Variants in PEBP4 observed in about 807,000 individuals in gnomAD.
PEBP4 encodes phosphatidylethanolamine-binding protein 4.
A neutral mutation model predicts 23.9 loss-of-function variants in PEBP4; 22 were observed. The ratio of observed to expected loss-of-function variants is 0.92; its 90% CI spans 0.66 to 1.31. PEBP4 has a LOEUF of 1.31. Among genes scored for constraint, PEBP4 ranks in the 40% most tolerant of loss-of-function variants. PEBP4 has a pLI of 0.00. For synonymous variants in PEBP4, 112 were observed against 99.3 expected, an observed-to-expected ratio of 1.13 and a Z score of -0.76; for missense variants, 324 against 281.7, an observed-to-expected ratio of 1.15 and a Z score of -1.07.
At chr8:22,932,705 T>C (rs1308578300), upstream of PEBP4, among the ~76,000 whole-genome samples, 1 of 146,722 alleles carries the variant, frequency 6.8e-6, no homozygotes, top group Non-Finnish European at 1.5e-5. Flanking sequence ...AAAGCCTCCT[T>C]CAAAATAATA....
At chr8:22,810,065 T>C (rs1806585358) in intron 4 of PEBP4, among the ~76,000 whole-genome samples, 1 of 152,258 alleles carries the variant, frequency 6.6e-6, no homozygotes, top group Non-Finnish European at 1.5e-5. Flanking sequence ...TGTGCTTCCC[T>C]GGAAAACTTC....
intron 3 of PEBP4, among the ~76,000 whole-genome samples, chr8:22,896,672 C>T (rs1247267717): frequency 3.9e-5 from 6 of 152,156 alleles, no homozygotes; most frequent in African/African-American, 1.4e-4. Flanking sequence ...TCCCATGCCT[C>T]GTTCAGCCCT....
chr8:22,910,671 G>A (rs1053965801), intron 3 of PEBP4, among the ~76,000 whole-genome samples: 3 of 152,218 alleles, frequency 2.0e-5, no homozygotes, highest in African/African-American at 7.2e-5. Context: ...CGGAAGTCAG[G>A]AGGCCTGGGT....
chr8:22,804,529 T>C (rs1308651079), intron 4 of PEBP4, among the ~76,000 whole-genome samples: 2 of 152,042 alleles, frequency 1.3e-5, no homozygotes, highest in Non-Finnish European at 2.9e-5. Flanking sequence ...TCTTTACAGT[T>C]TTTAAGTGTA....
At chr8:22,781,451 C>CT (rs931433853) in intron 4 of PEBP4, among the ~76,000 whole-genome samples, 17 of 151,680 alleles carry the variant, frequency 1.1e-4, no homozygotes, top group East Asian at 3.9e-4. Context: ...CCGCTTTTTA[C>CT]TTTTTTTTTG....
At chr8:22,731,594 G>A (rs933968220) in intron 4 of PEBP4, among the ~76,000 whole-genome samples, 4 of 146,492 alleles carry the variant, frequency 2.7e-5, no homozygotes, top group South Asian at 4.5e-4. Context: ...TGTTGGGGGT[G>A]GCACCCATAC....
chr8:22,924,907 A>T (rs1191584260), intron 2 of PEBP4: 2 of 985,282 alleles, frequency 2.0e-6, no homozygotes, highest in Non-Finnish European at 2.4e-6. Flanking sequence ...GTCACAGTAC[A>T]TAAAATTCCT....
rs144827914 is a variant in PEBP4, at chr8:22,738,217, G to A, written c.358-10997C>T. The stretch of plus-strand genomic sequence containing the variant: ...CTCCTAATGACACCATCTGAGCCTG[G>A]CCTCCTTCCTTCTCTCGCTGCTCAC... On this transcript the variant is annotated intron_variant, in intron 4 of 6. Transcript: ENST00000256404. 6.3e-3 allele frequency among the ~76,000 whole-genome samples: 953 copies of A among 152,290 alleles called. 12 individuals are homozygous for A. Among genetic ancestry groups the A allele is most frequent in the African/African-American group, 0.021 (870 of 41,570 alleles).
intron 4 of PEBP4, among the ~76,000 whole-genome samples, chr8:22,769,927 AC>A (rs1805684368): frequency 6.6e-6 from 1 of 152,022 alleles, no homozygotes; most frequent in Non-Finnish European, 1.5e-5. Flanking sequence ...GTGCTCAGGA[AC>A]CTGCATCTCC....
chr8:22,763,010 C>CTT (rs34844479), intron 4 of PEBP4, among the ~76,000 whole-genome samples: 4 of 146,282 alleles, frequency 2.7e-5, no homozygotes, highest in African/African-American at 7.5e-5. Context: ...TGAAAGAAGT[C>CTT]TTTTTTTTTT....
At chr8:22,910,334 G>A (rs889395610) in intron 3 of PEBP4, among the ~76,000 whole-genome samples, 4 of 152,236 alleles carry the variant, frequency 2.6e-5, no homozygotes, top group East Asian at 1.9e-4. Flanking sequence ...CCAACATCCC[G>A]CGCTTGCTCC....
chr8:22,745,076 C>T (rs1474167234), intron 4 of PEBP4, among the ~76,000 whole-genome samples: 1 of 152,172 alleles, frequency 6.6e-6, no homozygotes. Context: ...AAAATTGATT[C>T]TGAAGGGAAG....
At chr8:22,913,396 C>T (rs1333935141) in intron 3 of PEBP4, among the ~76,000 whole-genome samples, 1 of 152,124 alleles carries the variant, frequency 6.6e-6, no homozygotes, top group African/African-American at 2.4e-5. Flanking sequence ...ACTTCTTCTG[C>T]AATGTCCGTG....
chr8:22,871,552 A>T (rs1464014728), intron 3 of PEBP4, among the ~76,000 whole-genome samples: 52 of 115,262 alleles, frequency 4.5e-4, no homozygotes, highest in East Asian at 7.5e-4. Context: ...GATTTCTGGG[A>T]TTTTTTTTTT....
intron 2 of PEBP4, among the ~76,000 whole-genome samples, chr8:22,924,021 G>T (rs1042087964): frequency 1.3e-5 from 2 of 152,192 alleles, no homozygotes; most frequent in African/African-American, 2.4e-5. Flanking sequence ...TGGGATATGA[G>T]GCTGCCTCGA....
intron 3 of PEBP4, among the ~76,000 whole-genome samples, chr8:22,890,000 G>A (rs1013819858): frequency 1.3e-5 from 2 of 152,140 alleles, no homozygotes; most frequent in Non-Finnish European, 2.9e-5. Flanking sequence ...TGAGCAAGCC[G>A]CTGAGCACCA....
chr8:22,768,416 G>T (rs1402211000), intron 4 of PEBP4, among the ~76,000 whole-genome samples: 1 of 152,174 alleles, frequency 6.6e-6, no homozygotes, highest in Non-Finnish European at 1.5e-5. Flanking sequence ...ATTGCCTGGG[G>T]TGGTTTGGGG....
At chr8:22,748,722 A>G (rs1252664974) in intron 4 of PEBP4, among the ~76,000 whole-genome samples, 1 of 152,072 alleles carries the variant, frequency 6.6e-6, no homozygotes, top group Non-Finnish European at 1.5e-5. Flanking sequence ...GTTCCCTATA[A>G]GCAAGAGCAT....
chr8:22,848,704 G>A (rs946958122), intron 3 of PEBP4, among the ~76,000 whole-genome samples: 2 of 152,170 alleles, frequency 1.3e-5, no homozygotes, highest in African/African-American at 4.8e-5. Flanking sequence ...ACTCTTAGTA[G>A]TAGCTGTGGC....
Sources: gnomAD v4.1 joint callset for allele counts (sites outside exome capture counted in the v4.1 genomes callset) on GRCh38, gnomAD v4.1.1 for gene constraint, MANE v1.5 for transcripts, NCBI Gene and HGNC (gene_info 2026-07-23, HGNC 2026-07-21) for gene names.